The following PTPRM variants were observed in gnomAD, a reference collection of about 807,000 sequenced individuals.
PTPRM encodes receptor-type tyrosine-protein phosphatase mu.
In PTPRM, 47 loss-of-function variants were observed where a neutral mutation model predicts 186.7. That is an observed-to-expected ratio of 0.25 (90% CI 0.20 to 0.32). The LOEUF (loss-of-function observed/expected upper bound fraction) is 0.32, where lower values mean the gene tolerates loss of function less well. Ranked by LOEUF, PTPRM falls within the 10% of genes least tolerant of loss-of-function variation. The pLI, the probability that PTPRM is intolerant of heterozygous loss-of-function variation, is 1.00. For synonymous variants in PTPRM, 668 were observed against 674.9 expected (o/e 0.99, Z 0.16); for missense variants, 1,494 against 1,865.0 (o/e 0.80, Z 3.66).
At chr18:8,397,561 C>T (rs1364643464) in intron 32 of PTPRM, among the ~76,000 whole-genome samples, 1 of 152,118 alleles carries the variant, frequency 6.6e-6, no homozygotes, top group African/African-American at 2.4e-5. Context: ...TTTTCCTGAC[C>T]CCTTTTTCAG....
At chr18:8,378,722 A>G (rs923607323) in intron 27 of PTPRM, among the ~76,000 whole-genome samples, 4 of 152,150 alleles carry the variant, frequency 2.6e-5, no homozygotes, top group Non-Finnish European at 5.9e-5. Context: ...CCCCAACACC[A>G]TGGCTCCTTG....
At chr18:7,896,693 T>C (rs1188914011) in intron 3 of PTPRM, among the ~76,000 whole-genome samples, 1 of 152,168 alleles carries the variant, frequency 6.6e-6, no homozygotes, top group Non-Finnish European at 1.5e-5. Context: ...TGAAGGGTCC[T>C]GGGAGAAGAT....
chr18:7,788,997 T>C lies in PTPRM; in HGVS notation c.196+14726T>C, dbSNP rs143733254. Among the ~76,000 whole-genome samples the C allele has an allele frequency of 4.3e-3, 661 of 152,186 alleles. 7 individuals carry two copies. Among genetic ancestry groups the C allele is most frequent in the African/African-American group, 0.015 (627 of 41,516 alleles). ...GTAAATACTTATGAAGTATGTACTG[T>C]GGAATAGCTGTTATTGTATCCTACC... On this transcript the variant is annotated intron_variant, in intron 2 of 32. Coordinates refer to ENST00000580170, the MANE Select transcript of PTPRM (RefSeq NM_001105244.2).
intron 2 of PTPRM, among the ~76,000 whole-genome samples, chr18:7,884,953 G>GAAAAAAAAAAA (rs2048708561): frequency 5.4e-5 from 6 of 110,514 alleles, no homozygotes; most frequent in Non-Finnish European, 9.8e-5. Flanking sequence ...AAAAAAAAAG[G>GAAAAAAAAAAA]AGAGAGAGAA....
chr18:7,742,577 T>G (rs599006), intron 1 of PTPRM, among the ~76,000 whole-genome samples: 100,778 of 152,120 alleles, frequency 0.66, 35,298 homozygotes, highest in East Asian at 0.99. Flanking sequence ...AGTGGTTCAC[T>G]CTTGTAATCC....
chr18:8,291,058 C>T (rs1356362255), intron 19 of PTPRM, among the ~76,000 whole-genome samples: 4 of 152,124 alleles, frequency 2.6e-5, no homozygotes, highest in Non-Finnish European at 2.9e-5. Context: ...ACACACCTGT[C>T]CTTAAGTTGC....
intron 1 of PTPRM, among the ~76,000 whole-genome samples, chr18:7,611,178 A>G (rs2037663984): frequency 6.6e-6 from 1 of 151,588 alleles, no homozygotes. Flanking sequence ...TATTATTACA[A>G]AAGTCAAAAA....
At chr18:7,854,796 T>G (rs2047017771) in intron 2 of PTPRM, among the ~76,000 whole-genome samples, 1 of 151,922 alleles carries the variant, frequency 6.6e-6, no homozygotes. Flanking sequence ...GACCTAGAAG[T>G]TTTCTGTGTA....
At chr18:7,945,844 A>G (rs528706081) in intron 5 of PTPRM, among the ~76,000 whole-genome samples, 1 of 152,216 alleles carries the variant, frequency 6.6e-6, no homozygotes, top group African/African-American at 2.4e-5. Context: ...CCATGCACAC[A>G]TGAATGGTTT....
rs959185903 is a variant in PTPRM, at chr18:7,981,544, A to T, written c.1132+26130A>T. On this transcript the variant is annotated intron_variant, in intron 7 of 32. Transcript: ENST00000580170. ...TATACTTTTCCCACCTGATCTTCCA[A>T]CTGAAGTTCTCTGGCTCCCATACTT... is the stretch of plus-strand genomic sequence containing the variant. 7.9e-5 allele frequency among the ~76,000 whole-genome samples: 12 copies of T among 152,154 alleles called. 1 individual carries two copies. Among genetic ancestry groups the T allele is most frequent in the African/African-American group, 2.4e-4 (10 of 41,424 alleles).
intron 23 of PTPRM, among the ~76,000 whole-genome samples, chr18:8,357,575 G>A (rs17569530): frequency 0.18 from 28,093 of 152,010 alleles, 3,056 homozygotes; most frequent in Middle Eastern, 0.25. Flanking sequence ...GGACTCTCAC[G>A]ATCGTTTAAT....
chr18:7,620,946 G>A (rs1371927198), intron 1 of PTPRM, among the ~76,000 whole-genome samples: 1 of 152,094 alleles, frequency 6.6e-6, no homozygotes, highest in East Asian at 1.9e-4. Context: ...CCAGTGATTT[G>A]GGAGGCTCAG....
At chr18:8,241,953 G>A (rs539034396) in intron 14 of PTPRM, among the ~76,000 whole-genome samples, 1 of 152,272 alleles carries the variant, frequency 6.6e-6, no homozygotes, top group South Asian at 2.1e-4. Context: ...GCAATTAAGT[G>A]ATGAGTGTGA....
chr18:8,152,639 C>T (rs1167757003), intron 14 of PTPRM, among the ~76,000 whole-genome samples: 1 of 150,274 alleles, frequency 6.7e-6, no homozygotes, highest in Admixed American at 6.6e-5. Flanking sequence ...TTACCTATTT[C>T]TCTCTTTATT....
chr18:7,766,653 G>A (rs2042028950), intron 1 of PTPRM, among the ~76,000 whole-genome samples: 1 of 152,178 alleles, frequency 6.6e-6, no homozygotes, highest in African/African-American at 2.4e-5. Context: ...AGGCAGGGGG[G>A]CGACCCTGCG....
chr18:8,116,145 A>G (rs2091948846), intron 13 of PTPRM, among the ~76,000 whole-genome samples: 1 of 152,226 alleles, frequency 6.6e-6, no homozygotes, highest in Admixed American at 6.5e-5. Context: ...AAGCCCTTGA[A>G]CCAGGTATCC....
rs556856043 is a variant in PTPRM, at chr18:7,637,998, G to T, written c.73+70107G>T. Among the ~76,000 whole-genome samples, 9 of 152,278 alleles carry T rather than the reference G, an allele frequency of 5.9e-5. 1 individual carries two copies. Among genetic ancestry groups the T allele is most frequent in the Admixed American group, 2.6e-4 (4 of 15,294 alleles). On this transcript the variant is annotated intron_variant, in intron 1 of 32. Transcript: ENST00000580170. ...TTTTGCCAGGAAACAGGTAGTTAAAGTTCTCTATACTTTTATTAATCATAA... is the reference window on the plus strand; with the variant it reads ...TTTTGCCAGGAAACAGGTAGTTAAATTTCTCTATACTTTTATTAATCATAA...
chr18:7,871,730 G>T (rs956764269), intron 2 of PTPRM, among the ~76,000 whole-genome samples: 1 of 152,162 alleles, frequency 6.6e-6, no homozygotes, highest in Non-Finnish European at 1.5e-5. Context: ...TGCCACTTTT[G>T]TGTGTGCCCT....
At chr18:8,304,255 C>T (rs1473217984) in intron 20 of PTPRM, among the ~76,000 whole-genome samples, 1 of 152,116 alleles carries the variant, frequency 6.6e-6, no homozygotes, top group South Asian at 2.1e-4. Flanking sequence ...TATTTTTAAA[C>T]GTAATGTTAC....
Sources: gnomAD v4.1 joint callset for allele counts (sites outside exome capture counted in the v4.1 genomes callset) on GRCh38, gnomAD v4.1.1 for gene constraint, MANE v1.5 for transcripts, NCBI Gene and HGNC (gene_info 2026-07-23, HGNC 2026-07-21) for gene names.